RAPGEF6: variants seen among roughly 807,000 people sequenced by gnomAD.
RAPGEF6 encodes the protein Rap guanine nucleotide exchange factor 6.
In RAPGEF6, 56 loss-of-function variants were observed where a neutral mutation model predicts 171.4. The ratio of observed to expected loss-of-function variants is 0.33; its 90% CI spans 0.26 to 0.41. The LOEUF is 0.41. Among genes scored for constraint, RAPGEF6 ranks in the 10% least tolerant of loss-of-function variants. The probability of loss-of-function intolerance (pLI) is 1.00; values close to 1 mark genes in which losing one functional copy is unlikely to be tolerated. For synonymous variants in RAPGEF6, 692 were observed against 650.1 expected, an observed-to-expected ratio of 1.06 and a Z score of -0.98; for missense variants, 1,674 against 1,921.4, an observed-to-expected ratio of 0.87 and a Z score of 2.41.
chr5:131,501,511 TGTA>T (rs1457327186), intron 11 of RAPGEF6, among the ~76,000 whole-genome samples: 1 of 152,026 alleles, frequency 6.6e-6, no homozygotes, highest in Non-Finnish European at 1.5e-5. Flanking sequence ...TTTTAAGGTG[TGTA>T]TAAACTCACG....
intron 1 of RAPGEF6, among the ~76,000 whole-genome samples, chr5:131,632,193 T>C (rs771523787): frequency 4.6e-4 from 70 of 151,986 alleles, no homozygotes; most frequent in Middle Eastern, 3.4e-3. Context: ...TATGCATCAT[T>C]ATCTCCACTC....
chr5:131,558,496 T>C (rs974599436), intron 5 of RAPGEF6, among the ~76,000 whole-genome samples: 1 of 152,158 alleles, frequency 6.6e-6, no homozygotes, highest in Non-Finnish European at 1.5e-5. Context: ...TATTTTTATA[T>C]TGATCTTTAC....
intron 3 of RAPGEF6, among the ~76,000 whole-genome samples, chr5:131,593,545 A>T (rs1763712647): frequency 6.6e-6 from 1 of 152,244 alleles, no homozygotes; most frequent in African/African-American, 2.4e-5. Flanking sequence ...GATGTGGAAA[A>T]GTTTGGAACT....
intron 16 of RAPGEF6, 48 bp downstream of exon 16, chr5:131,479,465 T>C (rs1171048632): frequency 8.1e-6 from 13 of 1,598,328 alleles, no homozygotes; most frequent in South Asian, 1.1e-5. Flanking sequence ...ATAAAAACTT[T>C]ACAGTGAAGA....
intron 6 of RAPGEF6, among the ~76,000 whole-genome samples, chr5:131,529,225 C>T (rs1759198390): frequency 6.6e-6 from 1 of 151,804 alleles, no homozygotes; most frequent in South Asian, 2.1e-4. Flanking sequence ...CCTGTAATCC[C>T]AGCACTTTGG....
At chr5:131,591,504 C>G (rs1002230231) in intron 4 of RAPGEF6, among the ~76,000 whole-genome samples, 2 of 152,054 alleles carry the variant, frequency 1.3e-5, no homozygotes, top group Non-Finnish European at 2.9e-5. Flanking sequence ...TACAAATGAG[C>G]AAAGTAAGGC....
At chr5:131,517,780 TACACACACACACACACACACACAC>T (rs36091456) in intron 7 of RAPGEF6, among the ~76,000 whole-genome samples, 1 of 140,398 alleles carries the variant, frequency 7.1e-6, no homozygotes, top group Non-Finnish European at 1.5e-5. Context: ...TTCGCGCATG[TACACACACACACACACACACACAC>T]ACACACACAC....
In RAPGEF6 at chr5:131,635,025, G is replaced by A. The variant is rs754874539; in HGVS notation, c.6C>T (p.Asn2=). ...GCCTAGCGCCAGGGTCCACGGGTGA[G>A]TTCATGGCCACGGCCCGGGTACTCC... The part of the protein sequence containing the change: M[N]SPVDPGARQA... Residue 2 remains asparagine, a synonymous_variant, in exon 1 of 28, where the codon AAC becomes AAT. Transcript: ENST00000509018. 2 of 1,608,198 alleles carry A rather than the reference G, an allele frequency of 1.2e-6. No individual in the cohort carries two copies. The highest frequency in any genetic ancestry group is 3.3e-5 in the Admixed American group (2 of 59,806).
chr5:131,511,432 G>A (rs953782390), intron 7 of RAPGEF6: 1 of 149,686 alleles, frequency 6.7e-6, no homozygotes, highest in Non-Finnish European at 1.5e-5. Flanking sequence ...AATTCATTAA[G>A]TATCTCATGT....
chr5:131,473,934 A>G (rs1395595256), intron 16 of RAPGEF6, among the ~76,000 whole-genome samples: 1 of 152,200 alleles, frequency 6.6e-6, no homozygotes, highest in Non-Finnish European at 1.5e-5. Flanking sequence ...GACATGGAAG[A>G]AAGCAAAGAT....
chr5:131,512,431 T>C (rs1757800067), intron 7 of RAPGEF6, among the ~76,000 whole-genome samples: 1 of 151,582 alleles, frequency 6.6e-6, no homozygotes, highest in Non-Finnish European at 1.5e-5. Context: ...TGCAGTGGTA[T>C]GATCACAGCT....
intron 1 of RAPGEF6, among the ~76,000 whole-genome samples, chr5:131,625,186 C>T (rs749217583): frequency 3.6e-4 from 55 of 152,090 alleles, no homozygotes; most frequent in African/African-American, 1.3e-3. Flanking sequence ...CCCTTGAACC[C>T]GGGAGGCAGA....
rs1216366864 is a variant in RAPGEF6, at chr5:131,585,297, C to CT, written c.281+7085_281+7086insA. Reference sequence around the variant, plus strand: ...TAAGAAAAAAAAAAAACTATACATACATACATACATACATACATACATACA... The same window carrying CT: ...TAAGAAAAAAAAAAAACTATACATACTATACATACATACATACATACATACA... On this transcript the variant is annotated intron_variant, in intron 4 of 27. Transcript: ENST00000509018. 2.2e-3 allele frequency among the ~76,000 whole-genome samples: 314 copies of CT among 141,720 alleles called. 1 individual carries two copies. Among genetic ancestry groups the CT allele is most frequent in the African/African-American group, 5.3e-3 (181 of 34,330 alleles). The allele number at this position is 141,720 out of a possible 152,430, so 93.0% of individuals were successfully genotyped here. A position where few individuals can be genotyped will look rare whatever the true frequency, so the allele number is the denominator to read the frequency against.
chr5:131,434,555 A>G (rs1367824510), intron 24 of RAPGEF6, among the ~76,000 whole-genome samples: 1 of 152,222 alleles, frequency 6.6e-6, no homozygotes, highest in Non-Finnish European at 1.5e-5. Context: ...AGTTTTTTAA[A>G]TTGTTTTAGG....
intron 11 of RAPGEF6, 122 bp downstream of exon 11, chr5:131,504,504 T>C (rs1757224382): frequency 9.3e-7 from 1 of 1,074,180 alleles, no homozygotes; most frequent in Admixed American, 2.7e-5. Context: ...AGTCAACATT[T>C]AAGTTAGATG....
At chr5:131,471,257 G>A (rs568436682) in intron 17 of RAPGEF6, among the ~76,000 whole-genome samples, 7 of 152,190 alleles carry the variant, frequency 4.6e-5, no homozygotes, top group South Asian at 2.1e-4. Context: ...TGTAGAGAGT[G>A]TGATGTGCCA....
chr5:131,429,282 C>A, intron 26 of RAPGEF6, 66 bp from the exon 27 acceptor site: 1 of 1,315,890 alleles, frequency 7.6e-7, no homozygotes, highest in East Asian at 2.4e-5. Context: ...GAAACCACCC[C>A]ACAAACTTAT....
At chr5:131,578,902 CT>C (rs1411974241) in intron 4 of RAPGEF6, among the ~76,000 whole-genome samples, 1 of 152,206 alleles carries the variant, frequency 6.6e-6, no homozygotes, top group South Asian at 2.1e-4. Flanking sequence ...AGCACCTCCT[CT>C]TGCTTGCTTA....
intron 24 of RAPGEF6, among the ~76,000 whole-genome samples, chr5:131,438,286 C>T (rs1401807950): frequency 2.0e-5 from 3 of 152,152 alleles, no homozygotes; most frequent in Non-Finnish European, 4.4e-5. Context: ...GAAACCTGAC[C>T]GTATAAATAA....
Sources: allele counts gnomAD v4.1 joint callset (sites outside exome capture counted in the v4.1 genomes callset), GRCh38; gene constraint gnomAD v4.1.1; transcripts MANE v1.5; gene names NCBI Gene and HGNC (gene_info 2026-07-23, HGNC 2026-07-21).